The following ZNF385C variants were observed in gnomAD, a reference collection of about 807,000 sequenced individuals.
ZNF385C encodes the protein zinc finger protein 385C.
In ZNF385C, 28 loss-of-function variants were observed where a neutral mutation model predicts 35.4. The observed-to-expected ratio is 0.79, with a 90% confidence interval of 0.59 to 1.08. ZNF385C has a LOEUF of 1.08. Ranked by LOEUF, ZNF385C falls within the 50% of genes least tolerant of loss-of-function variation. ZNF385C has a pLI of 0.00. For missense variants in ZNF385C, 605 were observed against 595.6 expected, an observed-to-expected ratio of 1.02 and a Z score of -0.16; for synonymous variants, 248 against 248.2, an observed-to-expected ratio of 1.00 and a Z score of 0.01.
At position 42,056,198 on chromosome 17, in the gene ZNF385C, G is replaced by C. The variant is rs568797542; in HGVS notation, c.250+6609C>G. 4.7e-4 allele frequency among the ~76,000 whole-genome samples: 71 copies of C among 152,234 alleles called. 1 individual carries two copies. The highest frequency in any genetic ancestry group is 4.0e-4 in the Non-Finnish European group (27 of 68,042). On this transcript the variant is annotated intron_variant, in intron 2 of 8. Transcript: ENST00000692273. ...TGGATGACTGGGTTCTTTCTACCAA[G>C]AGACAAGGGAGGGACTGGTTGACCT...
At position 42,027,735 on chromosome 17, in the gene ZNF385C, G is replaced by C; in HGVS notation, c.1165-7C>G. ...GCCTCCTGCTGCTCATGTGCTAATG[G>C]ACAGACAGACAGACTGGGAACAAGA... is the stretch of plus-strand genomic sequence containing the variant. On this transcript the variant is annotated splice_polypyrimidine_tract_variant and splice_region_variant and intron_variant, in intron 7 of 8. Transcript: ENST00000692273. 1.9e-6 allele frequency: 3 copies of C among 1,607,306 alleles called. No homozygotes were observed. Among genetic ancestry groups the C allele is most frequent in the Non-Finnish European group, 2.5e-6 (3 of 1,177,152 alleles).
intron 1 of ZNF385C, among the ~76,000 whole-genome samples, chr17:42,074,539 A>G (rs1267195328): frequency 6.6e-6 from 1 of 152,134 alleles, no homozygotes; most frequent in East Asian, 1.9e-4. Flanking sequence ...CAACAGGCGC[A>G]TGCCACTACG....
At chr17:42,067,945 C>T (rs2053571563) in intron 1 of ZNF385C, among the ~76,000 whole-genome samples, 1 of 152,142 alleles carries the variant, frequency 6.6e-6, no homozygotes, top group Non-Finnish European at 1.5e-5. Context: ...GGGACATCGC[C>T]CAAGAGAGCA....
chr17:42,067,505 C>T (rs1181002110), intron 1 of ZNF385C, among the ~76,000 whole-genome samples: 1 of 152,112 alleles, frequency 6.6e-6, no homozygotes, highest in Non-Finnish European at 1.5e-5. Context: ...TAGGTGAAGA[C>T]TCCGTACCCC....
chr17:42,039,718 G>A (rs1453811581), intron 2 of ZNF385C: 6 of 1,232,372 alleles, frequency 4.9e-6, no homozygotes, highest in African/African-American at 1.6e-5. Context: ...GGTGAGCTGC[G>A]ACCCCAGGAA....
chr17:42,086,269 G>C (rs941382335), intron 1 of ZNF385C, among the ~76,000 whole-genome samples: 1 of 151,976 alleles, frequency 6.6e-6, no homozygotes, highest in African/African-American at 2.4e-5. Context: ...GCACACCCCT[G>C]TAAGCCTAGC....
chr17:42,047,193 G>A (rs1466163628), intron 2 of ZNF385C, among the ~76,000 whole-genome samples: 9 of 151,864 alleles, frequency 5.9e-5, no homozygotes, highest in Non-Finnish European at 1.3e-4. Context: ...CACCATGCCC[G>A]GCTAATTTTT....
At chr17:42,088,889 G>A (rs191988888) in intron 1 of ZNF385C, among the ~76,000 whole-genome samples, 47 of 152,078 alleles carry the variant, frequency 3.1e-4, no homozygotes, top group African/African-American at 9.4e-4. Flanking sequence ...GCAGTGGTGC[G>A]ATCACAGCTC....
chr17:42,093,560 T>C (rs2053884860), intron 1 of ZNF385C, among the ~76,000 whole-genome samples: 1 of 151,214 alleles, frequency 6.6e-6, no homozygotes, highest in Non-Finnish European at 1.5e-5. Context: ...TCTTTATTTT[T>C]TTTACTTTTT....
At position 42,028,886 on chromosome 17, in the gene ZNF385C, T is replaced by G. The variant is rs1053405259; in HGVS notation, c.864A>C (p.Gly288=). 3 of 1,550,572 alleles carry G rather than the reference T, an allele frequency of 1.9e-6. No individual in the cohort carries two copies. Among genetic ancestry groups the G allele is most frequent in the Non-Finnish European group, 2.6e-6 (3 of 1,146,982 alleles). Reference sequence around the variant, plus strand: ...TCCTGCCTTCCCCACTCATGCTGCTTCCCACGGCAGCTGCCGCTGGCTCAG... The same window carrying G: ...TCCTGCCTTCCCCACTCATGCTGCTGCCCACGGCAGCTGCCGCTGGCTCAG... The part of the protein sequence containing the change: ...PGPEPAAAAV[G]SSMSGEGRSE... The change falls in exon 6 of 9, where the codon GGA becomes GGC. Residue 288 remains glycine (G), a synonymous_variant. Transcript: ENST00000692273.
chr17:42,028,934 C>T lies in ZNF385C; in HGVS notation c.816G>A (p.Glu272=), dbSNP rs782541210. Reference sequence around the variant, plus strand: ...CAGGCCCCGGTGCCTCTCTCCCAGGCTCTGGGGAGCAAGGTGGGCAGGAGG... The same window carrying T: ...CAGGCCCCGGTGCCTCTCTCCCAGGTTCTGGGGAGCAAGGTGGGCAGGAGG... The part of the protein sequence containing the change: ...SSSSCPPCSP[E]PGREAPGPEP... The change falls in exon 6 of 9, where the codon GAG becomes GAA. Residue 272 remains glutamate, a synonymous_variant. Coordinates refer to ENST00000692273, the MANE Select transcript of ZNF385C (RefSeq NM_001392013.1). 66 of 1,550,482 alleles carry T rather than the reference C, an allele frequency of 4.3e-5. No individual in the cohort carries two copies. The South Asian group carries it at 7.9e-4, about 18-fold the overall frequency.
At chr17:42,064,591 G>C (rs185741107) in intron 1 of ZNF385C, among the ~76,000 whole-genome samples, 1 of 152,164 alleles carries the variant, frequency 6.6e-6, no homozygotes, top group African/African-American at 2.4e-5. Context: ...ATGGAGTCTC[G>C]CTGTGTCACC....
At chr17:42,034,550 C>T (rs1555655233) in intron 3 of ZNF385C, among the ~76,000 whole-genome samples, 2 of 151,474 alleles carry the variant, frequency 1.3e-5, no homozygotes, top group Admixed American at 6.6e-5. Flanking sequence ...GAGGCCGAGG[C>T]AGGCAGATCA....
rs1324670360 is a variant in ZNF385C, at chr17:42,079,203, A to AAT, written c.-2-16147_-2-16146dup. On this transcript the variant is annotated intron_variant, in intron 1 of 8. Coordinates refer to ENST00000692273, the MANE Select transcript of ZNF385C (RefSeq NM_001392013.1). ...CCTGTCTCGCAAAAAAAAAAAAAAA[A>AAT]ATATATATATATATACATATATATA... 3.5e-3 allele frequency among the ~76,000 whole-genome samples: 399 copies of AAT among 113,696 alleles called. 1 individual carries two copies. Among genetic ancestry groups the AAT allele is most frequent in the East Asian group, 0.025 (114 of 4,514 alleles). The allele number at this position is 113,696 out of a possible 152,430, so 74.6% of individuals were successfully genotyped here.
intron 1 of ZNF385C, among the ~76,000 whole-genome samples, chr17:42,074,685 G>A (rs1182473743): frequency 2.0e-5 from 3 of 152,136 alleles, no homozygotes; most frequent in East Asian, 1.9e-4. Flanking sequence ...CACCGCGCCC[G>A]GCCAAAGATG....
rs2053256788 is a variant in ZNF385C, at chr17:42,050,427, G to C, written c.250+12380C>G. On this transcript the variant is annotated intron_variant, in intron 2 of 8. Transcript: ENST00000692273. The surrounding 1 kb of genome is among the most constrained non-coding windows in gnomAD (Gnocchi z 5.6). Reference sequence around the variant, plus strand: ...GGGGAGGGCTGAGGAACTTCCTCTGGGGGGCGCGCGGTGACAGAGCCCTCG... The same window carrying C: ...GGGGAGGGCTGAGGAACTTCCTCTGCGGGGCGCGCGGTGACAGAGCCCTCG... 6.6e-6 allele frequency: 1 copy of C among 152,114 alleles called. No individual in the cohort carries two copies. The highest frequency in any genetic ancestry group is 2.1e-4 in the South Asian group (1 of 4,832). The allele number at this position is 152,114 out of a possible 1,614,324, so 9.4% of individuals were successfully genotyped here. A position where few individuals can be genotyped will look rare whatever the true frequency, so the allele number is the denominator to read the frequency against.
At chr17:42,056,329 T>C (rs1362628207) in intron 2 of ZNF385C, among the ~76,000 whole-genome samples, 1 of 152,186 alleles carries the variant, frequency 6.6e-6, no homozygotes, top group Non-Finnish European at 1.5e-5. Context: ...GTCCCGAGCA[T>C]TTGTGGAATC....
Position 42,058,016 on chromosome 17 carries a change from A to T in ZNF385C, c.250+4791T>A, listed in dbSNP as rs996360193. Among the ~76,000 whole-genome samples the T allele has an allele frequency of 2.2e-4, 33 of 152,106 alleles. 1 individual carries two copies. The highest frequency in any genetic ancestry group is 1.5e-3 in the Admixed American group (23 of 15,268). ...GGGGGTGGGCAGGGTAAGTCGGGGC[A>T]GTGCTTGGAGGAGGGAGACGAAGTG... On this transcript the variant is annotated intron_variant, in intron 2 of 8. Coordinates refer to ENST00000692273, the MANE Select transcript of ZNF385C (RefSeq NM_001392013.1).
At chr17:42,091,616 T>C (rs1429166820) in intron 1 of ZNF385C, among the ~76,000 whole-genome samples, 5 of 152,128 alleles carry the variant, frequency 3.3e-5, no homozygotes, top group East Asian at 1.9e-4. Flanking sequence ...GCCAGGCTAT[T>C]TGGGGAAACT....
Sources: allele counts gnomAD v4.1 joint callset (sites outside exome capture counted in the v4.1 genomes callset), GRCh38; gene constraint gnomAD v4.1.1; non-coding constraint Gnocchi (gnomAD v3.1); transcripts MANE v1.5; gene names NCBI Gene and HGNC (gene_info 2026-07-23, HGNC 2026-07-21).